LHFPL3: variants seen among roughly 807,000 people sequenced by gnomAD.
LHFPL3 encodes the protein LHFPL tetraspan subfamily member 3.
Under a neutral mutation model 19.3 loss-of-function variants are expected in LHFPL3, and 5 were observed. The ratio of observed to expected loss-of-function variants is 0.26; its 90% confidence interval spans 0.14 to 0.54. LHFPL3 has a LOEUF of 0.54. Ranked by LOEUF, LHFPL3 falls within the 20% of genes least tolerant of loss-of-function variation. LHFPL3 has a pLI of 0.94. For synonymous variants in LHFPL3, 133 were observed against 126.2 expected (o/e 1.05, Z -0.36); for missense variants, 249 against 307.4 (o/e 0.81, Z 1.42).
At chr7:104,606,020 T>TTTTTTA (rs375200173) in intron 1 of LHFPL3, among the ~76,000 whole-genome samples, 42 of 152,320 alleles carry the variant, frequency 2.8e-4, no homozygotes, top group Middle Eastern at 3.4e-3. Context: ...GACAGTTTTA[T>TTTTTTA]TTTTTATTTT....
At chr7:104,561,334 A>T (rs1254350710) in intron 1 of LHFPL3, among the ~76,000 whole-genome samples, 1 of 148,948 alleles carries the variant, frequency 6.7e-6, no homozygotes, top group Non-Finnish European at 1.5e-5. Context: ...TTTGTAGGTC[A>T]CTCAGGACTT....
intron 1 of LHFPL3, among the ~76,000 whole-genome samples, chr7:104,446,278 A>C (rs1421595443): frequency 6.6e-6 from 1 of 152,200 alleles, no homozygotes; most frequent in Non-Finnish European, 1.5e-5. Context: ...AGATTGAAAA[A>C]CAAATATAAA....
At chr7:104,744,941 A>T (rs1338487565) in intron 2 of LHFPL3, among the ~76,000 whole-genome samples, 1 of 151,144 alleles carries the variant, frequency 6.6e-6, no homozygotes, top group Non-Finnish European at 1.5e-5. Context: ...CACAACTTTA[A>T]ATAACATCTA....
At chr7:104,353,283 T>C (rs567436875) in intron 1 of LHFPL3, among the ~76,000 whole-genome samples, 1 of 152,354 alleles carries the variant, frequency 6.6e-6, no homozygotes, top group East Asian at 1.9e-4. Flanking sequence ...TATAGGCAAC[T>C]GCATGAAACA....
chr7:104,844,498 G>C (rs1791275274), intron 2 of LHFPL3, among the ~76,000 whole-genome samples: 1 of 152,164 alleles, frequency 6.6e-6, no homozygotes, highest in African/African-American at 2.4e-5. Context: ...ACGACACTTG[G>C]AACTATTGCT....
intron 1 of LHFPL3, among the ~76,000 whole-genome samples, chr7:104,353,187 A>G (rs566821986): frequency 6.6e-6 from 1 of 152,360 alleles, no homozygotes; most frequent in South Asian, 2.1e-4. Context: ...AAAAGCCAGC[A>G]TATCATGAAC....
intron 1 of LHFPL3, among the ~76,000 whole-genome samples, chr7:104,421,895 T>C (rs149962115): frequency 2.0e-5 from 3 of 152,224 alleles, no homozygotes; most frequent in African/African-American, 7.2e-5. Flanking sequence ...GGAGCCCTCA[T>C]GAATGGGATT....
chr7:104,435,613 A>C (rs1293588624), intron 1 of LHFPL3, among the ~76,000 whole-genome samples: 1 of 150,482 alleles, frequency 6.6e-6, no homozygotes, highest in South Asian at 2.1e-4. Context: ...ACACACTGTT[A>C]CACTTTGAAG....
chr7:104,557,143 A>T (rs188468144), intron 1 of LHFPL3, among the ~76,000 whole-genome samples: 1 of 152,034 alleles, frequency 6.6e-6, no homozygotes, highest in African/African-American at 2.4e-5. Flanking sequence ...AACTCTTCCA[A>T]TCTCTGCCTT....
intron 1 of LHFPL3, among the ~76,000 whole-genome samples, chr7:104,509,149 C>A (rs896266475): frequency 1.3e-5 from 2 of 151,642 alleles, no homozygotes; most frequent in African/African-American, 4.8e-5. Flanking sequence ...TAAATTGTTT[C>A]ACTAGAGAAT....
chr7:104,340,699 A>G (rs1789930083), intron 1 of LHFPL3, among the ~76,000 whole-genome samples: 2 of 152,208 alleles, frequency 1.3e-5, no homozygotes, highest in South Asian at 4.1e-4. Context: ...AGTAAACTGC[A>G]TGGTGTTATA....
At chr7:104,499,977 T>A (rs1290766377) in intron 1 of LHFPL3, among the ~76,000 whole-genome samples, 1 of 152,250 alleles carries the variant, frequency 6.6e-6, no homozygotes, top group African/African-American at 2.4e-5. Context: ...AGTAAATGTA[T>A]TATTCTTTAA....
At chr7:104,348,748 A>C (rs997608938) in intron 1 of LHFPL3, among the ~76,000 whole-genome samples, 1 of 152,236 alleles carries the variant, frequency 6.6e-6, no homozygotes, top group African/African-American at 2.4e-5. Context: ...CAAGGTGGGA[A>C]GATCTAGAGG....
At chr7:104,517,969 A>G (rs545699341) in intron 1 of LHFPL3, among the ~76,000 whole-genome samples, 21 of 152,176 alleles carry the variant, frequency 1.4e-4, no homozygotes, top group Non-Finnish European at 2.4e-4. Flanking sequence ...TACCTATGTA[A>G]CAAAACTGCA....
At chr7:104,667,820 T>A in intron 1 of LHFPL3, 1 of 1,608,376 alleles carries the variant, frequency 6.2e-7, no homozygotes. Flanking sequence ...TGGCTGAGGA[T>A]GGGGGTACTG....
At position 104,399,593 on chromosome 7, in the gene LHFPL3, C is replaced by A. The variant is rs558813889; in HGVS notation, c.445+70369C>A. Among the ~76,000 whole-genome samples the A allele has an allele frequency of 5.4e-4, 82 of 150,790 alleles. No homozygotes were observed. The highest frequency in any genetic ancestry group is 2.5e-4 in the Non-Finnish European group (17 of 67,828). On this transcript the variant is annotated intron_variant, in intron 1 of 2. Transcript: ENST00000424859. The surrounding 1 kb of genome is among the most constrained non-coding windows in gnomAD (Gnocchi z 4.4). ...TCTCCTGCCTCAGCCTCCCAAGTAG[C>A]TGAGATTACAAGCACCTGCCACCAC... is the stretch of plus-strand genomic sequence containing the variant.
At chr7:104,834,610 A>G (rs929452847) in intron 2 of LHFPL3, among the ~76,000 whole-genome samples, 1 of 152,048 alleles carries the variant, frequency 6.6e-6, no homozygotes, top group Admixed American at 6.5e-5. Flanking sequence ...AGACAAACAC[A>G]TACAAAGGAG....
intron 1 of LHFPL3, among the ~76,000 whole-genome samples, chr7:104,654,942 A>G (rs996065211): frequency 5.9e-5 from 9 of 152,076 alleles, no homozygotes; most frequent in Non-Finnish European, 1.5e-5. Context: ...ACCAAGTACA[A>G]ATTATTGTCT....
chr7:104,508,735 C>G (rs1793751842), intron 1 of LHFPL3, among the ~76,000 whole-genome samples: 2 of 150,298 alleles, frequency 1.3e-5, no homozygotes, highest in Non-Finnish European at 3.0e-5. Flanking sequence ...CAAAATAAAC[C>G]CAAAGCAAGC....
Sources: gnomAD v4.1 joint callset for allele counts (sites outside exome capture counted in the v4.1 genomes callset) on GRCh38, gnomAD v4.1.1 for gene constraint, Gnocchi (gnomAD v3.1) non-coding constraint, MANE v1.5 for transcripts, NCBI Gene and HGNC (gene_info 2026-07-23, HGNC 2026-07-21) for gene names.